VPS41: variants seen among roughly 807,000 people sequenced by gnomAD.
VPS41 encodes vacuolar protein sorting-associated protein 41 homolog.
A neutral mutation model predicts 130.9 loss-of-function variants in VPS41; 85 were observed. That is an observed-to-expected ratio of 0.65 (90% CI 0.55 to 0.78). The LOEUF (loss-of-function observed/expected upper bound fraction) is 0.78, where lower values mean the gene tolerates loss of function less well. Ranked by LOEUF, VPS41 falls within the 30% of genes least tolerant of loss-of-function variation. The probability of loss-of-function intolerance (pLI) is 0.00; values close to 1 mark genes in which losing one functional copy is unlikely to be tolerated. For missense variants in VPS41, 874 were observed against 1,018.7 expected, an observed-to-expected ratio of 0.86 and a Z score of 1.93; for synonymous variants, 335 against 332.9, an observed-to-expected ratio of 1.01 and a Z score of -0.07.
At chr7:38,855,026 T>G (rs1341055932) in intron 4 of VPS41, among the ~76,000 whole-genome samples, 2 of 151,634 alleles carry the variant, frequency 1.3e-5, no homozygotes, top group Non-Finnish European at 2.9e-5. Flanking sequence ...CTAGCCAACA[T>G]GATGAAACCC....
At chr7:38,828,413 T>C (rs1416483273) in intron 5 of VPS41, among the ~76,000 whole-genome samples, 2 of 152,130 alleles carry the variant, frequency 1.3e-5, no homozygotes, top group Admixed American at 1.3e-4. Context: ...TCAAAGGTTA[T>C]CCTTGAAATA....
intron 25 of VPS41, among the ~76,000 whole-genome samples, chr7:38,738,660 A>G (rs1439050322): frequency 1.3e-5 from 2 of 152,238 alleles, no homozygotes; most frequent in Non-Finnish European, 1.5e-5. Flanking sequence ...TTGATACCAT[A>G]TTGTTTTGGA....
intron 7 of VPS41, among the ~76,000 whole-genome samples, chr7:38,810,135 T>C (rs2116059210): frequency 6.6e-6 from 1 of 151,408 alleles, no homozygotes; most frequent in Admixed American, 6.6e-5. Flanking sequence ...CAAAACAGAA[T>C]ATGGAATAAG....
chr7:38,750,175 C>A (rs1244082998), intron 22 of VPS41, among the ~76,000 whole-genome samples: 1 of 152,182 alleles, frequency 6.6e-6, no homozygotes, highest in Non-Finnish European at 1.5e-5. Context: ...CCAGAACTTA[C>A]TTTAAGGAAA....
chr7:38,843,167 T>G (rs1377796837), intron 4 of VPS41, among the ~76,000 whole-genome samples: 2 of 152,102 alleles, frequency 1.3e-5, no homozygotes, highest in Admixed American at 1.3e-4. Context: ...CTCAATTAAG[T>G]TCAATGGAAA....
At chr7:38,810,402 CT>C (rs3842156) in intron 7 of VPS41, among the ~76,000 whole-genome samples, 90,660 of 151,876 alleles carry the variant, frequency 0.6, 27,758 homozygotes, top group East Asian at 0.89. Context: ...ATGTTGCATA[CT>C]TTGAAAAGTA....
intron 4 of VPS41, among the ~76,000 whole-genome samples, chr7:38,843,034 A>G (rs1785640278): frequency 6.6e-6 from 1 of 152,256 alleles, no homozygotes; most frequent in Admixed American, 6.5e-5. Flanking sequence ...GAAAACAGGT[A>G]AATACATAAA....
intron 9 of VPS41, among the ~76,000 whole-genome samples, chr7:38,795,173 G>A (rs1367879613): frequency 6.6e-6 from 1 of 152,180 alleles, no homozygotes; most frequent in African/African-American, 2.4e-5. Flanking sequence ...CCCATGTTCT[G>A]TAAATAGCTA....
chr7:38,818,042 T>G (rs1264922059), intron 6 of VPS41, among the ~76,000 whole-genome samples, 160 bp from the exon 7 acceptor site: 1 of 152,200 alleles, frequency 6.6e-6, no homozygotes, highest in Non-Finnish European at 1.5e-5. Flanking sequence ...TGATGACATC[T>G]GAGTTTTCTT....
chr7:38,858,095 G>A (rs1251330159), intron 4 of VPS41, among the ~76,000 whole-genome samples: 13 of 152,118 alleles, frequency 8.5e-5, no homozygotes, highest in East Asian at 7.7e-4. Context: ...GGTAATATAC[G>A]GCAAACGTTT....
intron 8 of VPS41, among the ~76,000 whole-genome samples, chr7:38,795,837 C>T (rs531757737): frequency 6.6e-6 from 1 of 152,156 alleles, no homozygotes; most frequent in Non-Finnish European, 1.5e-5. Context: ...TCTTAGATGG[C>T]ATGGGTGACT....
At chr7:38,900,541 T>TA (rs1266467880) in intron 1 of VPS41, among the ~76,000 whole-genome samples, 1 of 151,958 alleles carries the variant, frequency 6.6e-6, no homozygotes, top group East Asian at 1.9e-4. Context: ...GTATGTAAAT[T>TA]AAAAAAGAAA....
Position 38,750,529 on chromosome 7 carries a change from C to T in VPS41, c.1926+1647G>A, listed in dbSNP as rs548540348. ...CATAATTGGTTTTACTATGCTTGTGCTGAGTTCTTTTACATTCAATATGTT... is the reference window on the plus strand; with the variant it reads ...CATAATTGGTTTTACTATGCTTGTGTTGAGTTCTTTTACATTCAATATGTT... On this transcript the variant is annotated intron_variant, in intron 22 of 28. Coordinates refer to ENST00000310301, the MANE Select transcript of VPS41 (RefSeq NM_014396.4). Among the ~76,000 whole-genome samples, 13 of 152,250 alleles carry T rather than the reference C, an allele frequency of 8.5e-5. No homozygotes were observed. The South Asian group carries it at 2.3e-3, about 27-fold the overall frequency.
chr7:38,852,195 G>A (rs79206256), intron 4 of VPS41, among the ~76,000 whole-genome samples: 3,052 of 152,132 alleles, frequency 0.02, 104 homozygotes, highest in African/African-American at 0.068. Context: ...ATTAAGAAGC[G>A]AACACCACCT....
At chr7:38,834,093 C>T (rs574977190) in intron 4 of VPS41, among the ~76,000 whole-genome samples, 12 of 138,184 alleles carry the variant, frequency 8.7e-5, no homozygotes, top group Middle Eastern at 3.7e-3. Flanking sequence ...ACTCAATATC[C>T]ATTCATGGTA....
chr7:38,759,123 T>C (rs980338054), intron 17 of VPS41, among the ~76,000 whole-genome samples: 8 of 152,250 alleles, frequency 5.3e-5, no homozygotes, highest in South Asian at 2.1e-4. Flanking sequence ...CAGTTTATAG[T>C]TGACCAGTCG....
At chr7:38,818,105 A>T (rs561721798) in intron 6 of VPS41, among the ~76,000 whole-genome samples, 6 of 152,316 alleles carry the variant, frequency 3.9e-5, no homozygotes, top group Admixed American at 2.0e-4. Flanking sequence ...AAAGAGTAGG[A>T]TAAGTCAGTT....
intron 21 of VPS41, among the ~76,000 whole-genome samples, chr7:38,752,681 A>G (rs1203151494): frequency 2.0e-5 from 3 of 152,246 alleles, no homozygotes; most frequent in Non-Finnish European, 4.4e-5. Context: ...ACTAAGAACT[A>G]CAGAAATGTT....
chr7:38,783,581 A>C (rs1784390596), intron 10 of VPS41, among the ~76,000 whole-genome samples: 1 of 152,184 alleles, frequency 6.6e-6, no homozygotes, highest in African/African-American at 2.4e-5. Flanking sequence ...GTGCAAAAAC[A>C]GGAACAGGTG....
Sources: gnomAD v4.1 joint callset for allele counts (sites outside exome capture counted in the v4.1 genomes callset) on GRCh38, gnomAD v4.1.1 for gene constraint, MANE v1.5 for transcripts, NCBI Gene and HGNC (gene_info 2026-07-23, HGNC 2026-07-21) for gene names.